ZC4H2: variants seen among roughly 807,000 people sequenced by gnomAD.
ZC4H2 encodes the protein zinc finger C4H2 domain-containing protein.
For synonymous variants in ZC4H2, 84 were observed against 66.3 expected, an observed-to-expected ratio of 1.27 and a Z score of -1.30; for missense variants, 137 against 173.9, an observed-to-expected ratio of 0.79 and a Z score of 1.19.
chrX:64,954,342 ATATATATATATAAT>A (rs1459976892), intron 1 of ZC4H2, among the ~76,000 whole-genome samples: 1 of 73,661 alleles, frequency 1.4e-5, no homozygotes, highest in Admixed American at 1.5e-4. Context: ...ATATATAATT[ATATATATATATAAT>A]TATATATATA....
rs185784043 is a variant in ZC4H2, at chrX:64,932,416, T to C, written c.54-10428A>G. Among the ~76,000 whole-genome samples, 9 of 111,699 alleles carry C rather than the reference T, an allele frequency of 8.1e-5. No individual in the cohort carries two copies. The East Asian group carries it at 2.2e-3, about 28-fold the overall frequency. ...GTACTTATCATGTAGTTGTTGCCTA[T>C]ATGTTTTGGATTTTTTTCATTGTGT... On this transcript the variant is annotated intron_variant, in intron 1 of 4. Coordinates refer to ENST00000374839, the MANE Select transcript of ZC4H2 (RefSeq NM_018684.4).
chrX:64,976,028 CT>C (rs1051617082), intron 1 of ZC4H2, among the ~76,000 whole-genome samples: 15 of 111,763 alleles, frequency 1.3e-4, no homozygotes, highest in Non-Finnish European at 3.8e-5. Context: ...CACACAAGTA[CT>C]TTTAAAAAAC....
At chrX:64,923,089 G>C (rs1048414621) in intron 1 of ZC4H2, among the ~76,000 whole-genome samples, 15 of 111,905 alleles carry the variant, frequency 1.3e-4, no homozygotes, top group African/African-American at 4.9e-4. Flanking sequence ...AATACACAGA[G>C]GTGTACTTTC....
chrX:64,958,553 T>A (rs778052035), intron 1 of ZC4H2, among the ~76,000 whole-genome samples: 1 of 111,801 alleles, frequency 8.9e-6, no homozygotes, highest in East Asian at 2.8e-4. Context: ...TGTTGACTCT[T>A]CCAGGGACAG....
chrX:64,954,744 G>A (rs1218336824), intron 1 of ZC4H2, among the ~76,000 whole-genome samples: 1 of 109,877 alleles, frequency 9.1e-6, no homozygotes, highest in East Asian at 2.9e-4. Context: ...TAATGAAAAG[G>A]TGGACTGGTT....
chrX:64,999,647 A>T (rs1436421972), intron 1 of ZC4H2, among the ~76,000 whole-genome samples: 1 of 112,375 alleles, frequency 8.9e-6, no homozygotes, highest in Admixed American at 9.4e-5. Flanking sequence ...GGTCTAGCTC[A>T]GCAGATCCCA....
At chrX:65,010,073 C>T (rs1932734164) in intron 1 of ZC4H2, among the ~76,000 whole-genome samples, 1 of 112,287 alleles carries the variant, frequency 8.9e-6, no homozygotes, top group Non-Finnish European at 1.9e-5. Context: ...TATCTATTAG[C>T]CTAAACTAAT....
intron 1 of ZC4H2, among the ~76,000 whole-genome samples, chrX:64,960,942 T>C (rs952227917): frequency 9.0e-6 from 1 of 111,563 alleles, no homozygotes; most frequent in African/African-American, 3.2e-5. Flanking sequence ...TTGGGTTTAA[T>C]GTTTTATATG....
intron 1 of ZC4H2, among the ~76,000 whole-genome samples, chrX:65,012,913 C>A (rs1324117139): frequency 9.0e-6 from 1 of 111,470 alleles, no homozygotes. Flanking sequence ...GTTTTTGTCT[C>A]TTTTTATTGG....
At chrX:64,928,685 C>CT (rs1201758564) in intron 1 of ZC4H2, among the ~76,000 whole-genome samples, 33 of 52,650 alleles carry the variant, frequency 6.3e-4, no homozygotes, top group African/African-American at 3.0e-3. Context: ...CTTCTTCTTC[C>CT]TCCTCCTCTT....
intron 1 of ZC4H2, among the ~76,000 whole-genome samples, chrX:65,009,286 A>T (rs1932719975): frequency 9.0e-6 from 1 of 111,329 alleles, no homozygotes; most frequent in South Asian, 3.9e-4. Context: ...GAGAATGGGT[A>T]GCTGCTACTG....
At chrX:64,925,790 C>T (rs961313186) in intron 1 of ZC4H2, among the ~76,000 whole-genome samples, 1 of 112,216 alleles carries the variant, frequency 8.9e-6, no homozygotes, top group Admixed American at 9.4e-5. Context: ...CAAAGCCTTC[C>T]TCAAAGCACC....
At chrX:64,958,381 A>ATG (rs1263965741) in intron 1 of ZC4H2, among the ~76,000 whole-genome samples, 18 of 107,649 alleles carry the variant, frequency 1.7e-4, no homozygotes, top group Admixed American at 4.8e-4. Flanking sequence ...ATGCCTGTAT[A>ATG]TGTGTGTGTG....
intron 1 of ZC4H2, among the ~76,000 whole-genome samples, chrX:64,948,612 T>C (rs1390643072): frequency 1.8e-5 from 2 of 112,071 alleles, no homozygotes; most frequent in Non-Finnish European, 3.8e-5. Context: ...AGTCACACCT[T>C]ATCTGTACTT....
intron 1 of ZC4H2, among the ~76,000 whole-genome samples, chrX:64,964,353 A>T (rs1931512202): frequency 9.0e-6 from 1 of 111,413 alleles, no homozygotes; most frequent in Non-Finnish European, 1.9e-5. Context: ...ACGCCCACTG[A>T]TCCAATAGAT....
At chrX:65,028,478 T>G (rs887005800) in intron 1 of ZC4H2, among the ~76,000 whole-genome samples, 2 of 111,791 alleles carry the variant, frequency 1.8e-5, no homozygotes, top group African/African-American at 6.5e-5. Flanking sequence ...AGTCATTTCA[T>G]CTGTTTCTGT....
chrX:64,979,195 C>T (rs1294921926), upstream of ZC4H2, among the ~76,000 whole-genome samples: 1 of 111,901 alleles, frequency 8.9e-6, no homozygotes, highest in Non-Finnish European at 1.9e-5. Flanking sequence ...ACTCAAGGGC[C>T]TGTGCTCTTC....
At chrX:65,003,054 TA>T (rs745876339) in intron 1 of ZC4H2, among the ~76,000 whole-genome samples, 6,037 of 56,719 alleles carry the variant, frequency 0.11, 228 homozygotes, top group Non-Finnish European at 0.16. Flanking sequence ...GAATGATCAA[TA>T]AAAAAAAAAA....
intron 1 of ZC4H2, among the ~76,000 whole-genome samples, chrX:64,960,378 A>G (rs753982460): frequency 1.8e-5 from 2 of 111,357 alleles, no homozygotes; most frequent in African/African-American, 6.5e-5. Context: ...CCAATTATTC[A>G]GTTAAATATT....
Sources: allele counts gnomAD v4.1 joint callset (sites outside exome capture counted in the v4.1 genomes callset), GRCh38; gene constraint gnomAD v4.1.1; transcripts MANE v1.5; gene names NCBI Gene and HGNC (gene_info 2026-07-23, HGNC 2026-07-21).